The following GPRIN2 variants were observed in gnomAD, a reference collection of about 807,000 sequenced individuals.
GPRIN2 encodes G protein regulated inducer of neurite outgrowth 2, also known as G protein-regulated inducer of neurite outgrowth 2.
Under a neutral mutation model 0.3 loss-of-function variants are expected in GPRIN2, and 1 was observed. The observed-to-expected ratio is 3.90, with a 90% CI of 1.39 to 18.51. GPRIN2 has a LOEUF of 18.51. Ranked by LOEUF, GPRIN2 falls within the 30% of genes most tolerant of loss-of-function variation. The pLI, the probability that GPRIN2 is intolerant of heterozygous loss-of-function variation, is 0.11. For synonymous variants in GPRIN2, 361 were observed against 258.6 expected, an observed-to-expected ratio of 1.40 and a Z score of -3.80; for missense variants, 880 against 604.2, an observed-to-expected ratio of 1.46 and a Z score of -4.79.
chr10:46,549,561 C>T lies in GPRIN2; in HGVS notation c.1176G>A (p.Glu392=), dbSNP rs1555017474. Residue 392 remains glutamate (E), a synonymous_variant, in exon 3 of 3, where the codon GAG becomes GAA. Transcript: ENST00000374314. ...VRWDAEGMTW[E]VYGAAVDLEV... is the part of the protein sequence containing the mutation. ...CCAGGTCCACCGCAGCTCCGTACAC[C>T]TCCCATGTCATGCCCTCAGCATCCC... 3 of 1,614,146 alleles carry T rather than the reference C, an allele frequency of 1.9e-6. No individual in the cohort carries two copies. Among genetic ancestry groups the T allele is most frequent in the South Asian group, 1.1e-5 (1 of 91,080 alleles).
chr10:46,545,457 C>T lies in GPRIN2; in HGVS notation c.*3903G>A, dbSNP rs1832944269. Reference sequence around the variant, plus strand: ...CTGCCCCTCCCTTAACTTGCTCTCCCCTCCCTAATAACTCCAGCATCCTCA... The same window carrying T: ...CTGCCCCTCCCTTAACTTGCTCTCCTCTCCCTAATAACTCCAGCATCCTCA... On this transcript the variant is annotated 3_prime_UTR_variant, in exon 3 of 3. Transcript: ENST00000374314. Among the ~76,000 whole-genome samples the T allele has an allele frequency of 1.8e-4, 28 of 152,398 alleles. No individual in the cohort carries two copies. The highest frequency in any genetic ancestry group is 6.7e-4 in the African/African-American group (28 of 41,586).
In GPRIN2 at chr10:46,550,547, C is replaced by A; in HGVS notation, c.190G>T (p.Glu64Ter). ...EASTRPQAPEEEGNPPESMKP... is the reference protein window; with the variant it reads ...EASTRPQAPE ...ATGCTCTCAGGCGGGTTCCCCTCTT[C>A]CTCCGGGGCCTGGGGTCTGGTGCTG... Residue 64 changes from glutamate (E) to a stop codon, truncating the protein, a stop_gained, in exon 3 of 3, where the codon GAA becomes TAA. Transcript: ENST00000374314. LOFTEE classifies it low-confidence loss of function (END_TRUNC). 6.3e-7 allele frequency: 1 copy of A among 1,589,264 alleles called. No individual in the cohort carries two copies. The highest frequency in any genetic ancestry group is 8.6e-7 in the Non-Finnish European group (1 of 1,167,184).
intron 2 of GPRIN2, among the ~76,000 whole-genome samples, chr10:46,552,252 T>C (rs1832131916): frequency 6.6e-6 from 1 of 152,424 alleles, no homozygotes; most frequent in Admixed American, 6.5e-5. Context: ...AGGGGAGCAG[T>C]GGGGTCAAAG....
chr10:46,552,507 T>C (rs2131582443), intron 2 of GPRIN2, among the ~76,000 whole-genome samples: 75 of 152,376 alleles, frequency 4.9e-4, no homozygotes, highest in Admixed American at 1.6e-3. Context: ...GGTTTCTGTG[T>C]AATTACAAAT....
chr10:46,553,305 C>A (rs1832053687), intron 2 of GPRIN2, among the ~76,000 whole-genome samples: 710 of 151,942 alleles, frequency 4.7e-3, no homozygotes, highest in African/African-American at 0.017. Context: ...GGATCTCCAC[C>A]TGCCCAACAT....
At position 46,550,679 on chromosome 10, in the gene GPRIN2, G is replaced by C. The variant is rs145359504; in HGVS notation, c.58C>G (p.Pro20Ala). The C allele has an allele frequency of 5.1e-5, 78 of 1,522,410 alleles. No individual in the cohort carries two copies. In the African/African-American group the frequency reaches 1.1e-3, roughly 21 times the overall value. 94.3% of individuals were successfully genotyped at this position (1,522,410 alleles called of 1,614,324 possible). Residue 20 changes from proline to alanine, a missense_variant, in exon 3 of 3, where the codon CCC becomes GCC. By Grantham distance (27) the Pro-to-Ala change is conservative (BLOSUM62 -1). Transcript: ENST00000374314. ...PWAPLSPRLQ[P>A]LSQSSSSLLG... ...AGGCTGGAAGAGCTCTGGGACAGGG[G>C]CTGAAGGCGGGGGCTCAGGGGTGCC... is the stretch of plus-strand genomic sequence containing the variant.
chr10:46,556,712 G>C (rs1259509602), upstream of GPRIN2, among the ~76,000 whole-genome samples: 1 of 152,100 alleles, frequency 6.6e-6, no homozygotes, highest in African/African-American at 2.4e-5. Context: ...GGCGGCGGGC[G>C]GAGACCTCGC....
In GPRIN2 at chr10:46,549,949, G is replaced by T; in HGVS notation, c.788C>A (p.Ala263Glu). 6.2e-7 allele frequency: 1 copy of T among 1,614,278 alleles called. No individual in the cohort carries two copies. Among genetic ancestry groups the T allele is most frequent in the Non-Finnish European group, 8.5e-7 (1 of 1,180,058 alleles). ...TGILAFPKLV[A>E]SVSESGLQAQ... ...CTGCAGCCCAGACTCGCTCACTGAC[G>T]CCACTAGTTTGGGAAAGGCCAGGAT... Residue 263 changes from alanine to glutamate, a missense_variant, in exon 3 of 3, where the codon GCG becomes GAG. By Grantham distance (107) the Ala-to-Glu change is moderately radical. Transcript: ENST00000374314.
chr10:46,555,873 G>A (rs112743949), intron 1 of GPRIN2, among the ~76,000 whole-genome samples: 13,893 of 141,558 alleles, frequency 0.098, 2 homozygotes, highest in African/African-American at 0.15. Flanking sequence ...CAGTAACAGC[G>A]TCTACCCAGC....
Position 46,550,488 on chromosome 10 carries a change from T to G in GPRIN2, c.249A>C (p.Arg83=). The stretch of plus-strand genomic sequence containing the variant: ...TCCACCAGTGGCCTCCAGCACTGGG[T>G]CGCGCCTTGGGGCCAGAGGCCCGTG... ...KPARASGPKA[R]PSAGGHWWSS... Residue 83 remains arginine (R), a synonymous_variant, in exon 3 of 3, where the codon CGA becomes CGC. Transcript: ENST00000374314. The G allele has an allele frequency of 6.2e-7, 1 of 1,609,378 alleles. No homozygotes were observed. The highest frequency in any genetic ancestry group is 8.5e-7 in the Non-Finnish European group (1 of 1,177,550).
rs1353804944 is a variant in GPRIN2 at position 46,549,432 on chromosome 10, C to T, written c.1305G>A (p.Gly435=). The change falls in exon 3 of 3, where the codon GGG becomes GGA. Residue 435 remains glycine (G), a synonymous_variant. Transcript: ENST00000374314. ...GGGACTGCATGACAGCCCGCAGTGG[C>T]CCCCTCCGGCCCTCCACAGACAGGC... is the stretch of plus-strand genomic sequence containing the variant. ...EDSLSVEGRR[G]PLRAVMQSLR... The T allele has an allele frequency of 8.8e-6, 14 of 1,589,212 alleles. No individual in the cohort carries two copies. The highest frequency in any genetic ancestry group is 1.7e-4 in the Middle Eastern group (1 of 5,958).
rs1841790045 is a variant in GPRIN2, at chr10:46,541,856, G to A, written c.*7504C>T. On this transcript the variant is annotated 3_prime_UTR_variant, in exon 3 of 3. Coordinates refer to ENST00000374314, the MANE Select transcript of GPRIN2 (RefSeq NM_001385282.1). ...AAAGCAGCATCCGACTTCCTGCCCA[G>A]CTGTCCTACGGTATCCCAGGTGCCA... Among the ~76,000 whole-genome samples the A allele has an allele frequency of 6.6e-6, 1 of 152,306 alleles. No homozygotes were observed. The highest frequency in any genetic ancestry group is 1.5e-5 in the Non-Finnish European group (1 of 68,058).
chr10:46,550,018 T>TCCCTCATCA lies in GPRIN2; in HGVS notation c.718_719insTGATGAGGG (p.Arg239_Glu240insValMetArg), dbSNP rs1588964078. The TCCCTCATCA allele has an allele frequency of 6.2e-7, 1 of 1,614,012 alleles. No individual in the cohort carries two copies. On this transcript the variant is annotated inframe_insertion, in exon 3 of 3. Coordinates refer to ENST00000374314, the MANE Select transcript of GPRIN2 (RefSeq NM_001385282.1). The stretch of plus-strand genomic sequence containing the variant: ...ATGGCAGCAGCCACCAGCCCTCACC[T>TCCCTCATCA]CCCTCATGCCACAGAGTAGAGCAGC...
chr10:46,549,470 C>T lies in GPRIN2; in HGVS notation c.1267G>A (p.Ala423Thr), dbSNP rs1832709003. 44 of 1,610,074 alleles carry T rather than the reference C, an allele frequency of 2.7e-5. No individual in the cohort carries two copies. The highest frequency in any genetic ancestry group is 3.4e-5 in the Non-Finnish European group (40 of 1,178,100). Reference sequence around the variant, plus strand: ...TCCACAGACAGGCTGTCCTCGCTGGCGGGCGCCCGCTGCAGCTGCTCAAAC... The same window carrying T: ...TCCACAGACAGGCTGTCCTCGCTGGTGGGCGCCCGCTGCAGCTGCTCAAAC... The part of the protein sequence containing the change: ...MQFEQLQRAP[A>T]SEDSLSVEGR... Residue 423 changes from alanine (A) to threonine (T), a missense_variant, in exon 3 of 3, where the codon GCC (alanine) becomes ACC (threonine). Ala to Thr is a moderately conservative substitution (Grantham distance 58, BLOSUM62 0). Coordinates refer to ENST00000374314, the MANE Select transcript of GPRIN2 (RefSeq NM_001385282.1).
In GPRIN2 at chr10:46,543,669, C is replaced by A. The variant is rs1216014098; in HGVS notation, c.*5691G>T. Among the ~76,000 whole-genome samples the A allele has an allele frequency of 6.6e-6, 1 of 152,308 alleles. No individual in the cohort carries two copies. The highest frequency in any genetic ancestry group is 2.4e-5 in the African/African-American group (1 of 41,486). On this transcript the variant is annotated 3_prime_UTR_variant, in exon 3 of 3. Transcript: ENST00000374314. ...TTAAAACTAGACACACTCCCCTGCC[C>A]TGAGCCCCAGATGTCAATGGACATA...
rs1288842151 is a variant in GPRIN2 at position 46,549,194 on chromosome 10, G to A, written c.*166C>T. The A allele has an allele frequency of 2.2e-6, 2 of 899,384 alleles. No individual in the cohort carries two copies. Among genetic ancestry groups the A allele is most frequent in the Non-Finnish European group, 3.2e-6 (2 of 633,572 alleles). The allele number at this position is 899,384 out of a possible 1,614,324, so 55.7% of individuals were successfully genotyped here. On this transcript the variant is annotated 3_prime_UTR_variant, in exon 3 of 3. Coordinates refer to ENST00000374314, the MANE Select transcript of GPRIN2 (RefSeq NM_001385282.1). ...TAAGAAAACAGCCCAGCTGTGTAGG[G>A]CCGGAAGCCCCAGGCTGCAGTCCTG...
At position 46,547,526 on chromosome 10, in the gene GPRIN2, G is replaced by A. The variant is rs1457439540; in HGVS notation, c.*1834C>T. On this transcript the variant is annotated 3_prime_UTR_variant, in exon 3 of 3. Coordinates refer to ENST00000374314, the MANE Select transcript of GPRIN2 (RefSeq NM_001385282.1). ...GCACATCCAAGTATCTGACCAGGCT[G>A]TTCCATCTGCCAGGCAGGTCCTGCC... Among the ~76,000 whole-genome samples the A allele has an allele frequency of 1.3e-5, 2 of 152,310 alleles. No individual in the cohort carries two copies. The highest frequency in any genetic ancestry group is 2.9e-5 in the Non-Finnish European group (2 of 68,058).
chr10:46,542,030 C>G lies in GPRIN2; in HGVS notation c.*7330G>C, dbSNP rs974837981. Among the ~76,000 whole-genome samples the G allele has an allele frequency of 1.3e-5, 2 of 152,302 alleles. No homozygotes were observed. The highest frequency in any genetic ancestry group is 4.8e-5 in the African/African-American group (2 of 41,486). Reference sequence around the variant, plus strand: ...AACTCTGAAGAGAAAAAAAATCAAACCAAAGAGTTTTCCTCAAGAGTTGCA... The same window carrying G: ...AACTCTGAAGAGAAAAAAAATCAAAGCAAAGAGTTTTCCTCAAGAGTTGCA... On this transcript the variant is annotated 3_prime_UTR_variant, in exon 3 of 3. Coordinates refer to ENST00000374314, the MANE Select transcript of GPRIN2 (RefSeq NM_001385282.1).
rs1832332971 is a variant in GPRIN2 at position 46,550,539 on chromosome 10, C to T, written c.198G>A (p.Gly66=). 2.0e-4 allele frequency: 324 copies of T among 1,591,950 alleles called. No homozygotes were observed. Among genetic ancestry groups the T allele is most frequent in the Non-Finnish European group, 1.2e-4 (137 of 1,168,478 alleles). ...CTGGCTTCATGCTCTCAGGCGGGTTCCCCTCTTCCTCCGGGGCCTGGGGTC... is the reference window on the plus strand; with the variant it reads ...CTGGCTTCATGCTCTCAGGCGGGTTTCCCTCTTCCTCCGGGGCCTGGGGTC... ...STRPQAPEEE[G]NPPESMKPAR... is the part of the protein sequence containing the mutation. The change falls in exon 3 of 3, where the codon GGG becomes GGA. Residue 66 remains glycine, a synonymous_variant. Coordinates refer to ENST00000374314, the MANE Select transcript of GPRIN2 (RefSeq NM_001385282.1).
Sources: gnomAD v4.1 joint callset for allele counts (sites outside exome capture counted in the v4.1 genomes callset) on GRCh38, gnomAD v4.1.1 for gene constraint, MANE v1.5 for transcripts, NCBI Gene and HGNC (gene_info 2026-07-23, HGNC 2026-07-21) for gene names.